The following ARHGAP22 variants were observed in gnomAD, a reference collection of about 807,000 sequenced individuals.
The protein encoded by ARHGAP22 is Rho GTPase activating protein 22.
In ARHGAP22, 48 loss-of-function variants were observed where a neutral mutation model predicts 59.1. The ratio of observed to expected loss-of-function variants is 0.81; its 90% CI spans 0.64 to 1.03. The LOEUF (loss-of-function observed/expected upper bound fraction) is 1.03. ARHGAP22 is among the 50% of genes least tolerant of loss of function. The probability of loss-of-function intolerance (pLI) is 0.00; values close to 1 mark genes in which losing one functional copy is unlikely to be tolerated. For synonymous variants in ARHGAP22, 445 were observed against 416.4 expected, an observed-to-expected ratio of 1.07 and a Z score of -0.84; for missense variants, 1,015 against 958.7, an observed-to-expected ratio of 1.06 and a Z score of -0.78.
intron 2 of ARHGAP22, among the ~76,000 whole-genome samples, chr10:48,573,875 G>GT (rs1564909953): frequency 1.3e-5 from 2 of 152,160 alleles, no homozygotes; most frequent in African/African-American, 2.4e-5. Context: ...AAATATTATG[G>GT]TTTTTTCCAT....
At chr10:48,441,537 C>T (rs1238219262), downstream of ARHGAP22, among the ~76,000 whole-genome samples, 14 of 151,514 alleles carry the variant, frequency 9.2e-5, no homozygotes, top group Admixed American at 1.3e-4. Flanking sequence ...CTGCAAACTC[C>T]GCCTCCCAGG....
intron 3 of ARHGAP22, among the ~76,000 whole-genome samples, chr10:48,490,183 A>G (rs1033987598): frequency 1.3e-5 from 2 of 152,188 alleles, no homozygotes; most frequent in African/African-American, 4.8e-5. Flanking sequence ...TCATCAGGAG[A>G]ATGAAATGGG....
chr10:48,589,000 A>C (rs2059596473), intron 1 of ARHGAP22, among the ~76,000 whole-genome samples: 1 of 152,162 alleles, frequency 6.6e-6, no homozygotes, highest in African/African-American at 2.4e-5. Context: ...CTAGCCTGGC[A>C]CTTGCAATCT....
chr10:48,534,438 G>GGCCATGA, intron 3 of ARHGAP22, among the ~76,000 whole-genome samples: 1 of 152,060 alleles, frequency 6.6e-6, no homozygotes, highest in Non-Finnish European at 1.5e-5. Flanking sequence ...GGAGGCCATG[G>GGCCATGA]GGCCAAGAGG....
intron 3 of ARHGAP22, among the ~76,000 whole-genome samples, chr10:48,520,932 T>C (rs534209965): frequency 6.6e-6 from 1 of 152,264 alleles, no homozygotes; most frequent in South Asian, 2.1e-4. Context: ...CAGTACCACC[T>C]TCTTCCTCCA....
intron 1 of ARHGAP22, among the ~76,000 whole-genome samples, chr10:48,613,545 C>A (rs1383977771): frequency 1.3e-5 from 2 of 151,958 alleles, no homozygotes; most frequent in African/African-American, 2.4e-5. Flanking sequence ...TGGTGCCATG[C>A]CCTTGTGGTA....
chr10:48,582,852 A>C, intron 2 of ARHGAP22, 101 bp downstream of exon 2: 1 of 1,334,662 alleles, frequency 7.5e-7, no homozygotes, highest in Non-Finnish European at 1.0e-6. Flanking sequence ...ACTGTGATGG[A>C]GTCAGTGGCT....
chr10:48,502,603 C>A (rs1469606854), intron 3 of ARHGAP22, among the ~76,000 whole-genome samples: 1 of 152,182 alleles, frequency 6.6e-6, no homozygotes, highest in Non-Finnish European at 1.5e-5. Context: ...ATTCTTCATG[C>A]CTCCAGGTGT....
Position 48,453,384 on chromosome 10 carries a change from A to T in ARHGAP22, c.908T>A (p.Met303Lys). 1 of 1,614,036 alleles carries T rather than the reference A, an allele frequency of 6.2e-7. No individual in the cohort carries two copies. The highest frequency in any genetic ancestry group is 8.5e-7 in the Non-Finnish European group (1 of 1,179,982). The change falls in exon 8 of 10, where the codon ATG becomes AAG. Residue 303 changes from methionine (M) to lysine (K), a missense_variant. Met to Lys is a moderately conservative substitution (Grantham distance 95). Coordinates refer to ENST00000249601, the MANE Select transcript of ARHGAP22 (RefSeq NM_021226.4). ...EVQAYSNVNK[M>K]SVQNLATVFG... is the part of the protein sequence containing the mutation. ...AACGGTTGCCAGATTCTGGACACTCATCTTGTTGACATTTGAGTATGCCTG... is the reference window on the plus strand; with the variant it reads ...AACGGTTGCCAGATTCTGGACACTCTTCTTGTTGACATTTGAGTATGCCTG...
At chr10:48,583,748 G>GC (rs2059258002) in intron 1 of ARHGAP22, among the ~76,000 whole-genome samples, 1 of 152,142 alleles carries the variant, frequency 6.6e-6, no homozygotes, top group Admixed American at 6.5e-5. Context: ...AGGCATCCGA[G>GC]CCCCCAAAGC....
intron 3 of ARHGAP22, among the ~76,000 whole-genome samples, chr10:48,525,203 A>G (rs920582608): frequency 1.3e-5 from 2 of 152,204 alleles, no homozygotes; most frequent in African/African-American, 4.8e-5. Flanking sequence ...CATGCCCAGG[A>G]AAGTCTATGG....
At chr10:48,506,987 C>T (rs1490815597) in intron 3 of ARHGAP22, among the ~76,000 whole-genome samples, 2 of 152,204 alleles carry the variant, frequency 1.3e-5, no homozygotes, top group African/African-American at 2.4e-5. Flanking sequence ...TGAACTCCTC[C>T]AGCCTCTCAG....
intron 2 of ARHGAP22, among the ~76,000 whole-genome samples, chr10:48,565,646 G>A (rs569818849): frequency 6.6e-6 from 1 of 152,274 alleles, no homozygotes; most frequent in African/African-American, 2.4e-5. Context: ...ACACAGACAG[G>A]TGTGTTCCAG....
chr10:48,616,590 T>A (rs1204528229), intron 1 of ARHGAP22, among the ~76,000 whole-genome samples: 1 of 152,150 alleles, frequency 6.6e-6, no homozygotes, highest in Non-Finnish European at 1.5e-5. Flanking sequence ...CAAAAGCAGA[T>A]AAATGACTTG....
At chr10:48,474,181 T>A (rs895894334) in intron 4 of ARHGAP22, among the ~76,000 whole-genome samples, 1 of 152,224 alleles carries the variant, frequency 6.6e-6, no homozygotes, top group Non-Finnish European at 1.5e-5. Flanking sequence ...TTTGCTAAAT[T>A]TATCCCTAAG....
chr10:48,547,281 G>A (rs1426024255), intron 3 of ARHGAP22, among the ~76,000 whole-genome samples: 2 of 152,232 alleles, frequency 1.3e-5, no homozygotes, highest in Non-Finnish European at 2.9e-5. Flanking sequence ...GATTCCCATG[G>A]GACACAATGC....
At position 48,549,587 on chromosome 10, in the gene ARHGAP22, A is replaced by G. The variant is rs567347256; in HGVS notation, c.322+5876T>C. 5.9e-5 allele frequency among the ~76,000 whole-genome samples: 9 copies of G among 152,290 alleles called. No homozygotes were observed. In the East Asian group the frequency reaches 1.7e-3, roughly 29 times the overall value. ...AGGAGATTTCTGCTTTCTGCTGCAG[A>G]GACCTCACCTTCCCCTGAGGCAAGT... On this transcript the variant is annotated intron_variant, in intron 3 of 9. Coordinates refer to ENST00000249601, the MANE Select transcript of ARHGAP22 (RefSeq NM_021226.4).
chr10:48,589,363 C>G (rs2059619093), intron 1 of ARHGAP22, among the ~76,000 whole-genome samples: 1 of 152,172 alleles, frequency 6.6e-6, no homozygotes, highest in African/African-American at 2.4e-5. Flanking sequence ...CTTCCTCCAT[C>G]CTCCCAAATC....
At chr10:48,441,157 G>T (rs1392649344), downstream of ARHGAP22, among the ~76,000 whole-genome samples, 2 of 152,172 alleles carry the variant, frequency 1.3e-5, no homozygotes, top group Admixed American at 1.3e-4. Context: ...CTCTCTAATT[G>T]TAGTTTCTTT....
Sources: gnomAD v4.1 joint callset for allele counts (sites outside exome capture counted in the v4.1 genomes callset) on GRCh38, gnomAD v4.1.1 for gene constraint, MANE v1.5 for transcripts, NCBI Gene and HGNC (gene_info 2026-07-23, HGNC 2026-07-21) for gene names.